VCL: variants seen among roughly 807,000 people sequenced by gnomAD.
The protein encoded by VCL is vinculin.
Under a neutral mutation model 125.7 loss-of-function variants are expected in VCL, and 47 were observed. The observed-to-expected ratio is 0.37, with a 90% CI of 0.30 to 0.48. VCL has a LOEUF of 0.48. VCL is among the 20% of genes least tolerant of loss of function. The pLI is 0.99. For missense variants in VCL, 1,069 were observed against 1,455.5 expected, an observed-to-expected ratio of 0.73 and a Z score of 4.32; for synonymous variants, 458 against 514.6, an observed-to-expected ratio of 0.89 and a Z score of 1.49.
intron 8 of VCL, among the ~76,000 whole-genome samples, chr10:74,086,950 CT>C (rs889592302): frequency 2.0e-5 from 3 of 152,184 alleles, no homozygotes; most frequent in Admixed American, 6.5e-5. Context: ...TAAAATCTTT[CT>C]GTTTTGAATG....
chr10:74,067,410 T>C (rs1841589204), intron 2 of VCL, among the ~76,000 whole-genome samples: 4 of 151,678 alleles, frequency 2.6e-5, no homozygotes, highest in Admixed American at 2.6e-4. Flanking sequence ...TTGGTGAGGA[T>C]ATGGAGAATT....
In VCL at chr10:74,103,866, C is replaced by A. The variant is rs1057524826; in HGVS notation, c.2069C>A (p.Ala690Asp). 2 of 1,614,120 alleles carry A rather than the reference C, an allele frequency of 1.2e-6. No homozygotes were observed. The highest frequency in any genetic ancestry group is 8.5e-7 in the Non-Finnish European group (1 of 1,180,028). Reference sequence around the variant, plus strand: ...TTACTTAGGAACCCTGGAAATCAAGCTGCTTATGAACATTTTGAGACCATG... The same window carrying A: ...TTACTTAGGAACCCTGGAAATCAAGATGCTTATGAACATTTTGAGACCATG... ...RILLRNPGNQ[A>D]AYEHFETMKN... The change falls in exon 15 of 22, where the codon GCT becomes GAT. Residue 690 changes from alanine to aspartate, a missense_variant. Coordinates refer to ENST00000211998, the MANE Select transcript of VCL (RefSeq NM_014000.3).
chr10:74,085,985 A>G (rs888370280), intron 8 of VCL, among the ~76,000 whole-genome samples: 2 of 152,124 alleles, frequency 1.3e-5, no homozygotes, highest in Non-Finnish European at 2.9e-5. Context: ...CTCCTGCCTC[A>G]GCCTCTTGAG....
In VCL at chr10:74,058,336, A is replaced by G. The variant is rs567847063; in HGVS notation, c.240-12334A>G. 3.0e-4 allele frequency among the ~76,000 whole-genome samples: 46 copies of G among 152,214 alleles called. 2 individuals carry two copies. In the South Asian group the frequency reaches 9.6e-3, roughly 32 times the overall value. Reference sequence around the variant, plus strand: ...CAGATATGTTTGTGGGCTCTGCAACAAGCTCTCTCTCTCTAATACAGGGAT... The same window carrying G: ...CAGATATGTTTGTGGGCTCTGCAACGAGCTCTCTCTCTCTAATACAGGGAT... On this transcript the variant is annotated intron_variant, in intron 2 of 21. Transcript: ENST00000211998.
chr10:74,074,193 G>A (rs180919873), intron 5 of VCL, among the ~76,000 whole-genome samples: 1 of 152,342 alleles, frequency 6.6e-6, no homozygotes, highest in East Asian at 1.9e-4. Flanking sequence ...CCGAGATCAC[G>A]CCGAAAGTGT....
At chr10:74,002,727 C>T (rs1300198985) in intron 1 of VCL, among the ~76,000 whole-genome samples, 1 of 151,160 alleles carries the variant, frequency 6.6e-6, no homozygotes, top group Admixed American at 6.6e-5. Context: ...ACTAAAAATA[C>T]AAAAATTAAC....
intron 13 of VCL, among the ~76,000 whole-genome samples, chr10:74,099,856 T>C (rs1406973179): frequency 1.3e-5 from 2 of 152,150 alleles, no homozygotes; most frequent in African/African-American, 2.4e-5. Context: ...CAGGAACCCA[T>C]GTAGTTAAAT....
chr10:74,114,283 C>T lies in VCL; in HGVS notation c.3049C>T (p.Gln1017Ter). The stretch of plus-strand genomic sequence containing the variant: ...CAGTGGTACCAAGCGGGCACTCATT[C>T]AGTGTGCCAAGGACATCGCCAAGGC... ...GGSGTKRALI[Q>*]CAKDIAKASD... is the part of the protein sequence containing the mutation. Residue 1017 changes from glutamine (Q) to a stop codon, truncating the protein, a stop_gained, in exon 20 of 22, where the codon CAG becomes TAG. Coordinates refer to ENST00000211998, the MANE Select transcript of VCL (RefSeq NM_014000.3). LOFTEE classifies it high-confidence loss of function. 1 of 1,614,108 alleles carries T rather than the reference C, an allele frequency of 6.2e-7. No homozygotes were observed.
chr10:74,070,863 T>C lies in VCL; in HGVS notation c.390+43T>C, dbSNP rs532012349. On this transcript the variant is annotated intron_variant, in intron 3 of 21. Coordinates refer to ENST00000211998, the MANE Select transcript of VCL (RefSeq NM_014000.3). Reference sequence around the variant, plus strand: ...AAAAGCCTACTCTTGAAGATAATAATGGAAGATTGATGATTGTTTAGAATG... The same window carrying C: ...AAAAGCCTACTCTTGAAGATAATAACGGAAGATTGATGATTGTTTAGAATG... The C allele has an allele frequency of 2.5e-5, 40 of 1,613,126 alleles. 1 individual carries two copies. In the South Asian group the frequency reaches 4.0e-4, roughly 16 times the overall value.
chr10:74,087,869 G>A (rs1591700359), intron 8 of VCL, among the ~76,000 whole-genome samples: 1 of 152,194 alleles, frequency 6.6e-6, no homozygotes, highest in East Asian at 2.0e-4. Context: ...TCAGCTACTC[G>A]GGAGGCCGAG....
In VCL at chr10:73,998,230, C is replaced by T; in HGVS notation, c.23C>T (p.Thr8Met). MPVFHTR[T>M]IESILEPVAQ... The stretch of plus-strand genomic sequence containing the variant: ...GCGATGCCAGTGTTTCATACGCGCA[C>T]GATCGAGAGCATCCTGGAGCCGGTG... Residue 8 changes from threonine (T) to methionine (M), a missense_variant, in exon 1 of 22, where the codon ACG (threonine) becomes ATG (methionine). This residue lies in a region of VCL where 96 missense variants were observed against 137.6 expected (regional missense o/e 0.70). Coordinates refer to ENST00000211998, the MANE Select transcript of VCL (RefSeq NM_014000.3). 6.2e-7 allele frequency: 1 copy of T among 1,612,974 alleles called. No individual in the cohort carries two copies. The highest frequency in any genetic ancestry group is 1.1e-5 in the South Asian group (1 of 90,878).
intron 21 of VCL, among the ~76,000 whole-genome samples, chr10:74,115,151 A>G (rs987737132): frequency 4.0e-5 from 6 of 151,856 alleles, no homozygotes; most frequent in Non-Finnish European, 7.4e-5. Context: ...AGAATTGCTT[A>G]AGCCCAGAAG....
At chr10:74,023,993 A>C (rs1167938970) in intron 1 of VCL, among the ~76,000 whole-genome samples, 2 of 152,196 alleles carry the variant, frequency 1.3e-5, no homozygotes, top group Non-Finnish European at 2.9e-5. Context: ...AAAAGGAAAA[A>C]ACATTAAGAA....
intron 10 of VCL, among the ~76,000 whole-genome samples, chr10:74,091,491 G>A (rs3750862): frequency 0.46 from 69,696 of 151,944 alleles, 18,089 homozygotes; most frequent in Non-Finnish European, 0.59. Flanking sequence ...TCTTAAGAGA[G>A]TATCTAAGCT....
At chr10:74,011,569 A>G (rs185520979) in intron 1 of VCL, among the ~76,000 whole-genome samples, 9 of 152,268 alleles carry the variant, frequency 5.9e-5, no homozygotes, top group African/African-American at 1.7e-4. Flanking sequence ...ATGTTCTGAT[A>G]TTTAATATAC....
rs762409925 is a variant in VCL, at chr10:74,071,125, C to T, written c.499+42C>T. ...TTCTATAACATTTTTTAAGGATTGT[C>T]CATGTTGGAGCCAAAGGAAAGGGTA... On this transcript the variant is annotated intron_variant, in intron 4 of 21. Coordinates refer to ENST00000211998, the MANE Select transcript of VCL (RefSeq NM_014000.3). This position sits in a 1 kb window ranked among gnomAD's most constrained non-coding sequence, Gnocchi z 4.1. 1.3e-6 allele frequency: 2 copies of T among 1,590,820 alleles called. No individual in the cohort carries two copies. The highest frequency in any genetic ancestry group is 1.7e-6 in the Non-Finnish European group (2 of 1,159,208).
chr10:74,098,125 A>G (rs1262208975), intron 13 of VCL, among the ~76,000 whole-genome samples: 1 of 152,036 alleles, frequency 6.6e-6, no homozygotes, highest in Non-Finnish European at 1.5e-5. Context: ...CTCATGCTAC[A>G]TCTGTATGTA....
chr10:74,014,912 C>T (rs1344240596), intron 1 of VCL, among the ~76,000 whole-genome samples: 1 of 152,198 alleles, frequency 6.6e-6, no homozygotes, highest in Non-Finnish European at 1.5e-5. Context: ...TGGTCTTGAA[C>T]TCCTGGGCTC....
At chr10:74,083,257 G>A (rs966264302) in intron 7 of VCL, 109 bp from the exon 8 acceptor site, 12 of 1,452,322 alleles carry the variant, frequency 8.3e-6, no homozygotes, top group African/African-American at 1.4e-5. Flanking sequence ...CTATTCACTC[G>A]TCTTGTTTAA....
Sources: gnomAD v4.1 joint callset for allele counts (sites outside exome capture counted in the v4.1 genomes callset) on GRCh38, gnomAD v4.1.1 for gene constraint, gnomAD v4.1.1 regional missense constraint, Gnocchi (gnomAD v3.1) non-coding constraint, MANE v1.5 for transcripts, NCBI Gene and HGNC (gene_info 2026-07-23, HGNC 2026-07-21) for gene names.